Variants in BACH1 observed in about 807,000 individuals in gnomAD.
BACH1 encodes BTB domain and CNC homolog 1.
In BACH1, 35 loss-of-function variants were observed where a neutral mutation model predicts 52.9. The ratio of observed to expected loss-of-function variants is 0.66; its 90% confidence interval spans 0.51 to 0.88. BACH1 has a LOEUF of 0.88. Among genes scored for constraint, BACH1 ranks in the 40% least tolerant of loss-of-function variants. BACH1 has a pLI of 0.00. For synonymous variants in BACH1, 321 were observed against 319.6 expected (o/e 1.00, Z -0.05); for missense variants, 808 against 872.6 (o/e 0.93, Z 0.93).
chr21:29,341,657 C>T (rs1308929900), intron 4 of BACH1, among the ~76,000 whole-genome samples: 1 of 152,070 alleles, frequency 6.6e-6, no homozygotes, highest in Non-Finnish European at 1.5e-5. Context: ...CAAAATTACC[C>T]CCCCGAATTC....
At chr21:29,359,692 A>G (rs553853302) in intron 2 of BACH1, among the ~76,000 whole-genome samples, 28 of 152,268 alleles carry the variant, frequency 1.8e-4, no homozygotes, top group East Asian at 1.2e-3. Context: ...CCTAAATAAA[A>G]TAACTACAAA....
intron 4 of BACH1, among the ~76,000 whole-genome samples, chr21:29,329,908 T>TA (rs77638319): frequency 0.12 from 18,237 of 152,234 alleles, 1,526 homozygotes; most frequent in East Asian, 0.38. Context: ...ACTGTCTACC[T>TA]AATCATTAGT....
At chr21:29,338,071 C>A (rs145690517) in intron 4 of BACH1, among the ~76,000 whole-genome samples, 3,424 of 152,078 alleles carry the variant, frequency 0.023, 108 homozygotes, top group African/African-American at 0.078. Flanking sequence ...TATAAATAAA[C>A]AATAAAATAA....
Position 29,327,062 on chromosome 21 carries a change from A to T in BACH1, c.1238A>T (p.Gln413Leu). Residue 413 changes from glutamine (Q) to leucine (L), a missense_variant, in exon 3 of 5, where the codon CAA (glutamine) becomes CTA (leucine). Transcript: ENST00000286800. ...SDICSTDTPC[Q>L]MQLSPAVAKD... The stretch of plus-strand genomic sequence containing the variant: ...ATTTGCAGCACGGACACTCCTTGCC[A>T]AATGCAGTTATCACCTGCTGTGGCC... 2 of 1,614,246 alleles carry T rather than the reference A, an allele frequency of 1.2e-6. No individual in the cohort carries two copies. The highest frequency in any genetic ancestry group is 1.7e-6 in the Non-Finnish European group (2 of 1,180,038).
chr21:29,302,641 G>C (rs923910317), intron 1 of BACH1, among the ~76,000 whole-genome samples: 4 of 152,136 alleles, frequency 2.6e-5, no homozygotes, highest in African/African-American at 9.7e-5. Context: ...GTTAATACGG[G>C]GTAAGTGGTT....
intron 3 of BACH1, 66 bp downstream of exon 3, chr21:29,327,459 G>A (rs1185289047): frequency 1.3e-6 from 2 of 1,536,384 alleles, no homozygotes; most frequent in Non-Finnish European, 1.7e-6. Flanking sequence ...CTGTGGATCA[G>A]CTCCCTTTGC....
intron 2 of BACH1, among the ~76,000 whole-genome samples, chr21:29,352,341 A>G (rs1357422329): frequency 2.0e-5 from 3 of 152,154 alleles, no homozygotes; most frequent in African/African-American, 7.2e-5. Context: ...GGCGTGAGCC[A>G]CTGCTCCCGG....
At chr21:29,301,367 G>T (rs549489445) in intron 1 of BACH1, among the ~76,000 whole-genome samples, 110 of 152,280 alleles carry the variant, frequency 7.2e-4, no homozygotes, top group African/African-American at 2.3e-3. Context: ...TGTTGCTGGG[G>T]GAACATAGCC....
At chr21:29,354,514 C>A (rs1399594361) in intron 2 of BACH1, among the ~76,000 whole-genome samples, 1 of 152,094 alleles carries the variant, frequency 6.6e-6, no homozygotes, top group East Asian at 1.9e-4. Flanking sequence ...CGTGGGAAAT[C>A]AGAACAGTGG....
chr21:29,307,076 C>T (rs185124031), intron 1 of BACH1, among the ~76,000 whole-genome samples: 1 of 152,266 alleles, frequency 6.6e-6, no homozygotes, highest in East Asian at 1.9e-4. Flanking sequence ...CCTGTGGTCT[C>T]TATGGCTTGC....
At chr21:29,335,544 C>T (rs1053894854) in intron 4 of BACH1, among the ~76,000 whole-genome samples, 3 of 152,044 alleles carry the variant, frequency 2.0e-5, no homozygotes, top group Admixed American at 2.0e-4. Context: ...CATGTCAGCA[C>T]CCCCCACCCC....
intron 2 of BACH1, among the ~76,000 whole-genome samples, chr21:29,351,984 C>T (rs150555651): frequency 1.3e-5 from 2 of 152,036 alleles, no homozygotes; most frequent in African/African-American, 2.4e-5. Context: ...AAATCCAAGC[C>T]CCTTCAGAAA....
downstream of BACH1, among the ~76,000 whole-genome samples, chr21:29,350,209 C>T (rs1380395325): frequency 1.3e-5 from 2 of 152,178 alleles, no homozygotes; most frequent in African/African-American, 2.4e-5. Flanking sequence ...TACTGCACCC[C>T]GTGGTTCACA....
chr21:29,328,567 T>G (rs1233149621), intron 3 of BACH1, among the ~76,000 whole-genome samples: 2 of 152,190 alleles, frequency 1.3e-5, no homozygotes, highest in African/African-American at 4.8e-5. Context: ...ATACTTAACA[T>G]GGGATCTACC....
chr21:29,353,307 A>G (rs964302010), intron 2 of BACH1, among the ~76,000 whole-genome samples: 1 of 152,238 alleles, frequency 6.6e-6, no homozygotes, highest in Non-Finnish European at 1.5e-5. Flanking sequence ...GGTTGTAGTA[A>G]GAATCAAATG....
At position 29,343,472 on chromosome 21, in the gene BACH1, TCTC is replaced by T. The variant is rs1172133191; in HGVS notation, c.*643_*645del. The T allele has an allele frequency of 6.6e-6, 1 of 152,238 alleles. No homozygotes were observed. Among genetic ancestry groups the T allele is most frequent in the Admixed American group, 6.5e-5 (1 of 15,270 alleles). The allele number at this position is 152,238 out of a possible 1,614,324, so 9.4% of individuals were successfully genotyped here. A position where few individuals can be genotyped will look rare whatever the true frequency, so the allele number is the denominator to read the frequency against. ...TGGTTGGCCTAAGACGGGGGCTGCTTCTCCTCTTCAGTATGGACTCTAGAAAGT... is the reference window on the plus strand; with the variant it reads ...TGGTTGGCCTAAGACGGGGGCTGCTTCTCTTCAGTATGGACTCTAGAAAGT... On this transcript the variant is annotated 3_prime_UTR_variant, in exon 5 of 5. Coordinates refer to ENST00000286800, the MANE Select transcript of BACH1 (RefSeq NM_001186.4).
chr21:29,320,965 A>T (rs1418099215), intron 1 of BACH1, among the ~76,000 whole-genome samples: 5 of 152,166 alleles, frequency 3.3e-5, no homozygotes, highest in Non-Finnish European at 4.4e-5. Context: ...GTAATGTCTC[A>T]CTTTCAGAGA....
Position 29,326,421 on chromosome 21 carries a change from A to C in BACH1, c.597A>C (p.Leu199=). 1 of 1,614,192 alleles carries C rather than the reference A, an allele frequency of 6.2e-7. No individual in the cohort carries two copies. Among genetic ancestry groups the C allele is most frequent in the South Asian group, 1.1e-5 (1 of 91,078 alleles). The change falls in exon 3 of 5, where the codon CTA becomes CTC. Residue 199 remains leucine (L), a synonymous_variant. Coordinates refer to ENST00000286800, the MANE Select transcript of BACH1 (RefSeq NM_001186.4). ...YQGNAKASPP[L]QDSASQTYES... ...GAAATGCAAAAGCCTCACCTCCTCT[A>C]CAAGACAGTGCCAGTCAGACATATG...
chr21:29,336,879 C>T (rs764748401), intron 4 of BACH1, among the ~76,000 whole-genome samples: 1 of 152,068 alleles, frequency 6.6e-6, no homozygotes, highest in Non-Finnish European at 1.5e-5. Context: ...ATCGTGTTGG[C>T]CAGCCTGGTC....
Sources: gnomAD v4.1 joint callset for allele counts (sites outside exome capture counted in the v4.1 genomes callset) on GRCh38, gnomAD v4.1.1 for gene constraint, MANE v1.5 for transcripts, NCBI Gene and HGNC (gene_info 2026-07-23, HGNC 2026-07-21) for gene names.